GRID2: variants seen among roughly 807,000 people sequenced by gnomAD.
The protein encoded by GRID2 is glutamate receptor ionotropic, delta-2.
A neutral mutation model predicts 114.8 loss-of-function variants in GRID2; 33 were observed. That is an observed-to-expected ratio of 0.29 (90% confidence interval 0.22 to 0.38). GRID2 has a LOEUF of 0.38. Among genes scored for constraint, GRID2 ranks in the 10% least tolerant of loss-of-function variants. The pLI, the probability that GRID2 is intolerant of heterozygous loss-of-function variation, is 1.00. For missense variants in GRID2, 1,184 were observed against 1,257.7 expected (o/e 0.94, Z 0.89); for synonymous variants, 505 against 449.9 (o/e 1.12, Z -1.55).
At chr4:92,810,277 C>A (rs1259275995) in intron 2 of GRID2, among the ~76,000 whole-genome samples, 1 of 151,074 alleles carries the variant, frequency 6.6e-6, no homozygotes, top group African/African-American at 2.4e-5. Flanking sequence ...CGGAACCTAT[C>A]CTTAATTTAT....
At chr4:92,701,282 A>G (rs992340275) in intron 2 of GRID2, among the ~76,000 whole-genome samples, 2 of 152,196 alleles carry the variant, frequency 1.3e-5, no homozygotes, top group African/African-American at 4.8e-5. Context: ...CTAGAACTCT[A>G]CTAACCCTTG....
intron 1 of GRID2, among the ~76,000 whole-genome samples, chr4:92,393,361 G>T (rs77601805): frequency 6.6e-6 from 1 of 152,106 alleles, no homozygotes; most frequent in East Asian, 1.9e-4. Context: ...GAATGATGCA[G>T]TGTAATCTTA....
intron 3 of GRID2, among the ~76,000 whole-genome samples, chr4:93,107,523 C>T (rs1732353619): frequency 6.6e-6 from 1 of 151,986 alleles, no homozygotes; most frequent in Non-Finnish European, 1.5e-5. Flanking sequence ...AATTAATTTA[C>T]TAGATCAATT....
intron 14 of GRID2, among the ~76,000 whole-genome samples, chr4:93,650,195 TAGAC>T (rs1722462878): frequency 6.6e-6 from 1 of 152,064 alleles, no homozygotes; most frequent in African/African-American, 2.4e-5. Context: ...TGCCTTTCCA[TAGAC>T]AGAAAGCAGC....
At chr4:93,421,218 A>G (rs921417857) in intron 9 of GRID2, among the ~76,000 whole-genome samples, 1 of 152,154 alleles carries the variant, frequency 6.6e-6, no homozygotes, top group South Asian at 2.1e-4. Context: ...ATGTTGCACA[A>G]ACCACCCTGT....
intron 4 of GRID2, among the ~76,000 whole-genome samples, chr4:93,188,059 T>C (rs575320789): frequency 3.3e-5 from 5 of 152,312 alleles, no homozygotes; most frequent in African/African-American, 1.2e-4. Context: ...GCAACCAGTA[T>C]TGCAGCTCTC....
intron 2 of GRID2, among the ~76,000 whole-genome samples, chr4:93,066,181 C>T (rs1405899688): frequency 6.6e-6 from 1 of 151,904 alleles, no homozygotes; most frequent in East Asian, 1.9e-4. Flanking sequence ...GACCAAATGT[C>T]ATTATCAAAA....
At chr4:93,463,169 C>A (rs2149422867) in intron 11 of GRID2, among the ~76,000 whole-genome samples, 1 of 152,166 alleles carries the variant, frequency 6.6e-6, no homozygotes, top group South Asian at 2.1e-4. Context: ...CATTTTCTTT[C>A]TTTTTATCGC....
intron 13 of GRID2, among the ~76,000 whole-genome samples, chr4:93,602,793 G>A (rs2149643796): frequency 6.6e-6 from 1 of 152,330 alleles, no homozygotes; most frequent in East Asian, 1.9e-4. Context: ...AGGAAGACAG[G>A]TTGAAAGCCA....
chr4:93,211,152 A>G (rs1440520499), intron 5 of GRID2, among the ~76,000 whole-genome samples: 1 of 152,034 alleles, frequency 6.6e-6, no homozygotes, highest in Non-Finnish European at 1.5e-5. Context: ...TAGCTTCCAC[A>G]AGTATACCTG....
rs558127105 is a variant in GRID2, at chr4:92,992,865, G to A, written c.245-92130G>A. Reference sequence around the variant, plus strand: ...CTGTCTGCCTTTTCTCCTCTTTGTTGTGTCTCATAAATTTTTATGACCTCT... The same window carrying A: ...CTGTCTGCCTTTTCTCCTCTTTGTTATGTCTCATAAATTTTTATGACCTCT... On this transcript the variant is annotated intron_variant, in intron 2 of 15. Transcript: ENST00000282020. Among the ~76,000 whole-genome samples the A allele has an allele frequency of 7.8e-4, 118 of 151,830 alleles. 1 individual carries two copies. The highest frequency in any genetic ancestry group is 1.3e-3 in the Non-Finnish European group (85 of 67,938).
At chr4:92,674,163 T>C (rs909427900) in intron 2 of GRID2, among the ~76,000 whole-genome samples, 1 of 152,140 alleles carries the variant, frequency 6.6e-6, no homozygotes, top group Non-Finnish European at 1.5e-5. Flanking sequence ...CTTCAGTTGA[T>C]ATTTTTCATC....
intron 2 of GRID2, among the ~76,000 whole-genome samples, chr4:92,976,373 A>G (rs1335178410): frequency 2.0e-5 from 3 of 152,092 alleles, no homozygotes; most frequent in Non-Finnish European, 4.4e-5. Flanking sequence ...GTACCTATCA[A>G]TTCATGAATA....
chr4:93,159,860 A>G (rs1737524621), intron 4 of GRID2, among the ~76,000 whole-genome samples: 1 of 151,774 alleles, frequency 6.6e-6, no homozygotes. Flanking sequence ...GTACAAAACT[A>G]AAGTAGAATT....
intron 2 of GRID2, among the ~76,000 whole-genome samples, chr4:92,821,829 A>G (rs996630301): frequency 6.6e-6 from 1 of 152,196 alleles, no homozygotes; most frequent in African/African-American, 2.4e-5. Flanking sequence ...AACTCAAGCA[A>G]AAACTGTGTT....
chr4:92,468,447 T>C (rs981541314), intron 1 of GRID2, among the ~76,000 whole-genome samples: 1 of 152,116 alleles, frequency 6.6e-6, no homozygotes, highest in African/African-American at 2.4e-5. Flanking sequence ...TCAAATTACC[T>C]ACTTGGTGGC....
rs551031041 is a variant in GRID2 at position 92,940,047 on chromosome 4, A to C, written c.245-144948A>C. On this transcript the variant is annotated intron_variant, in intron 2 of 15. Transcript: ENST00000282020. ...TGGCTTAGAATTGACTTGGCGATGC[A>C]GGCTCTTTTTTGGTTCCATATGAAA... is the stretch of plus-strand genomic sequence containing the variant. Among the ~76,000 whole-genome samples, 92 of 147,104 alleles carry C rather than the reference A, an allele frequency of 6.3e-4. 5 individuals carry two copies. Among genetic ancestry groups the C allele is most frequent in the African/African-American group, 2.2e-3 (89 of 41,252 alleles).
chr4:93,492,705 T>C (rs1235578084), intron 12 of GRID2, among the ~76,000 whole-genome samples: 2 of 151,826 alleles, frequency 1.3e-5, no homozygotes, highest in Non-Finnish European at 2.9e-5. Flanking sequence ...ATCCAATCAA[T>C]AGAAGTCATT....
At chr4:93,770,780 A>G (rs907474301) in intron 15 of GRID2, among the ~76,000 whole-genome samples, 1 of 152,228 alleles carries the variant, frequency 6.6e-6, no homozygotes, top group Non-Finnish European at 1.5e-5. Flanking sequence ...CAAGCTCCTT[A>G]TATTTTGAAT....
Sources: gnomAD v4.1 joint callset for allele counts (sites outside exome capture counted in the v4.1 genomes callset) on GRCh38, gnomAD v4.1.1 for gene constraint, MANE v1.5 for transcripts, NCBI Gene and HGNC (gene_info 2026-07-23, HGNC 2026-07-21) for gene names.